Variants in ARMH3 observed in about 807,000 individuals in gnomAD.
The protein encoded by ARMH3 is armadillo like helical domain containing 3.
ARMH3 carries 60 observed loss-of-function variants against 99.1 expected under a neutral mutation model. The ratio of observed to expected loss-of-function variants is 0.61; its 90% CI spans 0.49 to 0.75. The LOEUF is 0.75. Among genes scored for constraint, ARMH3 ranks in the 30% least tolerant of loss-of-function variants. The probability of loss-of-function intolerance (pLI) is 0.00; values close to 1 mark genes in which losing one functional copy is unlikely to be tolerated. For missense variants in ARMH3, 679 were observed against 843.1 expected, an observed-to-expected ratio of 0.81 and a Z score of 2.41; for synonymous variants, 285 against 292.8, an observed-to-expected ratio of 0.97 and a Z score of 0.27.
intron 24 of ARMH3, among the ~76,000 whole-genome samples, chr10:101,883,260 A>G (rs1406683242): frequency 6.6e-6 from 1 of 151,938 alleles, no homozygotes; most frequent in East Asian, 1.9e-4. Flanking sequence ...CACAAAACTG[A>G]AAAAAATTTA....
chr10:101,924,213 T>A (rs1564756538), intron 23 of ARMH3, among the ~76,000 whole-genome samples: 1 of 152,076 alleles, frequency 6.6e-6, no homozygotes, highest in Non-Finnish European at 1.5e-5. Context: ...TTAACAAAAA[T>A]AAAGTGTTGC....
chr10:101,955,919 C>T (rs1004271192), intron 22 of ARMH3, among the ~76,000 whole-genome samples: 1 of 152,172 alleles, frequency 6.6e-6, no homozygotes, highest in Non-Finnish European at 1.5e-5. Context: ...GTCAATTATA[C>T]TTCAATAAAG....
intron 22 of ARMH3, among the ~76,000 whole-genome samples, chr10:101,954,926 C>T (rs1218368636): frequency 6.6e-6 from 1 of 152,100 alleles, no homozygotes; most frequent in African/African-American, 2.4e-5. Context: ...ACATATGGCC[C>T]AGTTGAGCAG....
intron 2 of ARMH3, among the ~76,000 whole-genome samples, chr10:102,034,142 A>C (rs925111406): frequency 6.6e-6 from 1 of 152,198 alleles, no homozygotes; most frequent in African/African-American, 2.4e-5. Context: ...TTTTTACAGC[A>C]TGCTGTGTTG....
At chr10:102,027,902 T>C (rs1047852056) in intron 5 of ARMH3, among the ~76,000 whole-genome samples, 3 of 151,746 alleles carry the variant, frequency 2.0e-5, no homozygotes, top group Admixed American at 6.6e-5. Flanking sequence ...TCTTCAAAGT[T>C]CAAATAACAT....
At chr10:101,939,343 G>A (rs943372134) in intron 23 of ARMH3, among the ~76,000 whole-genome samples, 7 of 152,128 alleles carry the variant, frequency 4.6e-5, no homozygotes, top group African/African-American at 1.7e-4. Flanking sequence ...TCAAGACCCT[G>A]ACCAACTCCA....
chr10:101,866,390 G>A (rs1344640775), intron 24 of ARMH3, among the ~76,000 whole-genome samples: 2 of 151,770 alleles, frequency 1.3e-5, no homozygotes, highest in African/African-American at 4.8e-5. Context: ...TACAAGAAGA[G>A]GCTGAATTGC....
At chr10:101,985,979 C>T (rs1208538240) in intron 19 of ARMH3, among the ~76,000 whole-genome samples, 2 of 151,896 alleles carry the variant, frequency 1.3e-5, no homozygotes, top group Middle Eastern at 3.2e-3. Context: ...GATCATGCCA[C>T]TGCACTCCAG....
chr10:101,953,138 G>A (rs181889691), intron 22 of ARMH3, among the ~76,000 whole-genome samples: 10 of 152,230 alleles, frequency 6.6e-5, no homozygotes, highest in Middle Eastern at 6.8e-3. Context: ...ACTGGTGTTT[G>A]TTTTTTCTTG....
At chr10:102,010,197 G>C (rs934928024) in intron 11 of ARMH3, among the ~76,000 whole-genome samples, 174 bp from the exon 12 acceptor site, 1 of 152,158 alleles carries the variant, frequency 6.6e-6, no homozygotes, top group East Asian at 1.9e-4. Context: ...AATCTTAAAA[G>C]ACTCATAAGT....
chr10:102,046,364 G>T lies in ARMH3; in HGVS notation c.-11-6239C>A, dbSNP rs537265371. On this transcript the variant is annotated intron_variant, in intron 1 of 25. Coordinates refer to ENST00000370033, the MANE Select transcript of ARMH3 (RefSeq NM_024541.3). ...AAAGAAAAAAAAAAGAAAAAGAAAA[G>T]AAAAGATGGGCCAGACTGGTGGCTC... 2.6e-5 allele frequency among the ~76,000 whole-genome samples: 4 copies of T among 151,562 alleles called. No homozygotes were observed. The East Asian group carries it at 7.8e-4, about 30-fold the overall frequency.
chr10:102,039,801 A>AT (rs1162141386), intron 2 of ARMH3, among the ~76,000 whole-genome samples: 3 of 152,174 alleles, frequency 2.0e-5, no homozygotes, highest in African/African-American at 7.2e-5. Context: ...GCAACAACCT[A>AT]TAAGGACAAC....
At chr10:102,032,208 C>T (rs1382765536) in intron 4 of ARMH3, among the ~76,000 whole-genome samples, 1 of 152,170 alleles carries the variant, frequency 6.6e-6, no homozygotes, top group Non-Finnish European at 1.5e-5. Flanking sequence ...AAGGAGTATT[C>T]TACTCACTGG....
chr10:102,009,530 T>C lies in ARMH3; in HGVS notation c.879-81A>G, dbSNP rs1392051700. Reference sequence around the variant, plus strand: ...GTATAACCATGAAGATAAGATTGGATTGCACCCCAGCGCCTCATTATCAAT... The same window carrying C: ...GTATAACCATGAAGATAAGATTGGACTGCACCCCAGCGCCTCATTATCAAT... On this transcript the variant is annotated intron_variant, in intron 12 of 25. Transcript: ENST00000370033. The C allele has an allele frequency of 4.2e-6, 5 of 1,194,062 alleles. No individual in the cohort carries two copies. The African/African-American group carries it at 7.6e-5, about 18-fold the overall frequency. The allele number at this position is 1,194,062 out of a possible 1,614,324, so 74.0% of individuals were successfully genotyped here.
chr10:101,944,909 C>G (rs1269770789), intron 22 of ARMH3, among the ~76,000 whole-genome samples: 1 of 151,994 alleles, frequency 6.6e-6, no homozygotes, highest in Non-Finnish European at 1.5e-5. Context: ...TGTAAGCCAG[C>G]AAATAATCAA....
At chr10:101,933,554 A>G (rs2135681412) in intron 23 of ARMH3, among the ~76,000 whole-genome samples, 1 of 152,292 alleles carries the variant, frequency 6.6e-6, no homozygotes, top group South Asian at 2.1e-4. Context: ...GTCTTAAGAG[A>G]TTAGGGTACA....
At position 101,939,588 on chromosome 10, in the gene ARMH3, AAC is replaced by A. The variant is rs199682861; in HGVS notation, c.1781+273_1781+274del. Among the ~76,000 whole-genome samples, 72 of 152,340 alleles carry A rather than the reference AAC, an allele frequency of 4.7e-4. 2 individuals are homozygous for A. The East Asian group carries it at 0.012, about 25-fold the overall frequency. The stretch of plus-strand genomic sequence containing the variant: ...GTTTTCAGATGACCTATACATAGAG[AAC>A]ACTCTGGCAACTAGCATGCCTGAAA... On this transcript the variant is annotated intron_variant, in intron 23 of 25. Transcript: ENST00000370033.
intron 19 of ARMH3, among the ~76,000 whole-genome samples, chr10:101,979,692 C>T (rs1846149295): frequency 6.6e-6 from 1 of 152,138 alleles, no homozygotes; most frequent in Non-Finnish European, 1.5e-5. Flanking sequence ...TCAAGATATG[C>T]AATTTACAGC....
chr10:101,847,693 GCAGAGGACAGTGCCTGCTACA>G, intron 25 of ARMH3, 73 bp from the exon 26 acceptor site: 1 of 1,361,026 alleles, frequency 7.3e-7, no homozygotes, highest in South Asian at 1.2e-5. Flanking sequence ...GTTCTAAACG[GCAGAGGACAGTGCCTGCTACA>G]CGGGGCACTA....
Sources: gnomAD v4.1 joint callset for allele counts (sites outside exome capture counted in the v4.1 genomes callset) on GRCh38, gnomAD v4.1.1 for gene constraint, MANE v1.5 for transcripts, NCBI Gene and HGNC (gene_info 2026-07-23, HGNC 2026-07-21) for gene names.